The following MGST1 variants were observed in gnomAD, a reference collection of about 807,000 sequenced individuals.
MGST1 encodes glutathione S-transferase 12.
In MGST1, 5 loss-of-function variants were observed where a neutral mutation model predicts 8.9. The ratio of observed to expected loss-of-function variants is 0.56; its 90% confidence interval spans 0.29 to 1.19. MGST1 has a LOEUF of 1.19. MGST1 is among the 50% of genes most tolerant of loss of function. The probability of loss-of-function intolerance (pLI) is 0.08; values close to 1 mark genes in which losing one functional copy is unlikely to be tolerated. For synonymous variants in MGST1, 54 were observed against 67.8 expected, an observed-to-expected ratio of 0.80 and a Z score of 1.00; for missense variants, 182 against 187.4, an observed-to-expected ratio of 0.97 and a Z score of 0.17.
intron 4 of MGST1, among the ~76,000 whole-genome samples, chr12:16,526,850 A>G (rs1006630441): frequency 2.2e-4 from 34 of 152,040 alleles, no homozygotes; most frequent in South Asian, 2.1e-4. Flanking sequence ...ATCCTGGGTC[A>G]GAGTCAGGGC....
chr12:16,371,030 GA>G (rs1940283617), intron 3 of MGST1, among the ~76,000 whole-genome samples: 1 of 151,956 alleles, frequency 6.6e-6, no homozygotes. Flanking sequence ...TTACTTTTCC[GA>G]AAAATTCAAT....
rs9332902 is a variant in MGST1, at chr12:16,354,525, A to G, written c.126+147A>G. The G allele has an allele frequency of 2.0e-4, 127 of 640,336 alleles. 1 individual carries two copies. In the African/African-American group the frequency reaches 2.2e-3, roughly 11 times the overall value. 39.7% of individuals were successfully genotyped at this position (640,336 alleles called of 1,614,324 possible). A position where few individuals can be genotyped will look rare whatever the true frequency, so the allele number is the denominator to read the frequency against. On this transcript the variant is annotated intron_variant, in intron 2 of 3. Coordinates refer to ENST00000396210, the MANE Select transcript of MGST1 (RefSeq NM_020300.5). ...TGAAGTATGCCATCGTTTGGCACAG[A>G]TGGATCTGATGTATTTATGGAACAG...
chr12:16,494,420 C>T (rs1001320564), intron 4 of MGST1, among the ~76,000 whole-genome samples: 3 of 152,064 alleles, frequency 2.0e-5, no homozygotes, highest in Non-Finnish European at 4.4e-5. Flanking sequence ...GTCTTTTGTA[C>T]ACTTTGTGTA....
downstream of MGST1, among the ~76,000 whole-genome samples, chr12:16,379,132 C>T (rs1270899141): frequency 6.6e-6 from 1 of 152,080 alleles, no homozygotes; most frequent in African/African-American, 2.4e-5. Flanking sequence ...AATTGAATAC[C>T]CTTTATTTCC....
chr12:16,570,354 T>C (rs182970100), intron 4 of MGST1, among the ~76,000 whole-genome samples: 112 of 152,264 alleles, frequency 7.4e-4, no homozygotes, highest in Non-Finnish European at 1.2e-3. Flanking sequence ...ATACACTATA[T>C]ATAAAAGTGA....
rs1181563743 is a variant in MGST1, at chr12:16,410,393, C to G, written n.778+26789C>G. On this transcript the variant is annotated intron_variant and non_coding_transcript_variant, in intron 1 of 1. Transcript: ENST00000359720. The surrounding 1 kb of genome is among the most constrained non-coding windows in gnomAD (Gnocchi z 4.4). ...TTCTTCCATCTCTCCAGTTCAAGTT[C>G]CCACCAGTTCTCACCCGAATTGCTG... Among the ~76,000 whole-genome samples, 1 of 151,984 alleles carries G rather than the reference C, an allele frequency of 6.6e-6. No individual in the cohort carries two copies. Among genetic ancestry groups the G allele is most frequent in the Non-Finnish European group, 1.5e-5 (1 of 68,008 alleles).
intron 4 of MGST1, among the ~76,000 whole-genome samples, chr12:16,485,158 G>A (rs1321355322): frequency 3.3e-5 from 5 of 152,246 alleles, no homozygotes; most frequent in Middle Eastern, 6.8e-3. Context: ...TTCTGTGAAC[G>A]CACATTCTAT....
At chr12:16,426,522 A>G (rs1028988374) in intron 1 of MGST1, among the ~76,000 whole-genome samples, 3 of 152,108 alleles carry the variant, frequency 2.0e-5, no homozygotes, top group African/African-American at 4.8e-5. Context: ...CACTTCCTCA[A>G]TCATCCAATA....
intron 4 of MGST1, among the ~76,000 whole-genome samples, chr12:16,553,802 T>C (rs547949277): frequency 8.2e-4 from 125 of 152,164 alleles, no homozygotes; most frequent in African/African-American, 2.7e-3. Context: ...GTAACTGTGA[T>C]TTTGTAAGAA....
At chr12:16,573,843 C>CTAGA (rs1159335477) in intron 4 of MGST1, 2 of 152,218 alleles carry the variant, frequency 1.3e-5, no homozygotes, top group Non-Finnish European at 2.9e-5. Context: ...TCAAGCATGA[C>CTAGA]TAGATTGACG....
rs1165499903 is a variant in MGST1, at chr12:16,407,433, G to A, written n.778+23829G>A. On this transcript the variant is annotated intron_variant and non_coding_transcript_variant, in intron 1 of 1. Coordinates refer to the MGST1 transcript ENST00000359720. ...AATAACAGATGCCGGCAAGGTTGTG[G>A]AGAAAAAGGAACACTTAATATACTG... Among the ~76,000 whole-genome samples, 3 of 152,120 alleles carry A rather than the reference G, an allele frequency of 2.0e-5. No homozygotes were observed. The East Asian group carries it at 5.8e-4, about 29-fold the overall frequency.
At chr12:16,440,176 T>C (rs1279279432), downstream of MGST1, among the ~76,000 whole-genome samples, 1 of 151,736 alleles carries the variant, frequency 6.6e-6, no homozygotes, top group Middle Eastern at 3.2e-3. Context: ...GGTGAACACA[T>C]TGTAAGTGAT....
chr12:16,379,026 A>G (rs1940422490), downstream of MGST1, among the ~76,000 whole-genome samples: 1 of 152,116 alleles, frequency 6.6e-6, no homozygotes. Flanking sequence ...GAAGTTGCTT[A>G]TCAGCTTAAG....
At chr12:16,541,545 C>T (rs1941793633) in intron 4 of MGST1, among the ~76,000 whole-genome samples, 1 of 152,106 alleles carries the variant, frequency 6.6e-6, no homozygotes, top group Admixed American at 6.5e-5. Flanking sequence ...TAACCATACA[C>T]AAAATTAGAC....
chr12:16,449,948 C>T (rs1467040538), intron 4 of MGST1, among the ~76,000 whole-genome samples: 2 of 151,872 alleles, frequency 1.3e-5, no homozygotes, highest in African/African-American at 2.4e-5. Flanking sequence ...ACTTGGAAAA[C>T]TGCCATCCTA....
At chr12:16,574,473 A>G (rs965935039) in intron 4 of MGST1, among the ~76,000 whole-genome samples, 5 of 152,158 alleles carry the variant, frequency 3.3e-5, no homozygotes, top group African/African-American at 1.2e-4. Flanking sequence ...CCAACAGCCC[A>G]GACTAGCAGG....
rs143289509 is a variant in MGST1, at chr12:16,446,145, A to G, written n.482+62541A>G. Among the ~76,000 whole-genome samples, 272 of 152,044 alleles carry G rather than the reference A, an allele frequency of 1.8e-3. 1 individual carries two copies. Among genetic ancestry groups the G allele is most frequent in the Non-Finnish European group, 2.3e-3 (157 of 67,902 alleles). On this transcript the variant is annotated intron_variant and non_coding_transcript_variant, in intron 4 of 4. Transcript: ENST00000538857. ...TCTGGGTGACTCCACTCTAACTTTGACATTTTGGGTCTCCAAATATCACTA... is the reference window on the plus strand; with the variant it reads ...TCTGGGTGACTCCACTCTAACTTTGGCATTTTGGGTCTCCAAATATCACTA...
At chr12:16,577,553 G>C (rs1487944563) in intron 4 of MGST1, among the ~76,000 whole-genome samples, 1 of 152,094 alleles carries the variant, frequency 6.6e-6, no homozygotes, top group Non-Finnish European at 1.5e-5. Context: ...TCTACTAGAT[G>C]TTGTATATAA....
chr12:16,399,550 C>T, intron 1 of MGST1: 1 of 1,569,456 alleles, frequency 6.4e-7, no homozygotes, highest in Non-Finnish European at 8.8e-7. Flanking sequence ...TCATCACTGT[C>T]CTCCTCTTCC....
Sources: gnomAD v4.1 joint callset for allele counts (sites outside exome capture counted in the v4.1 genomes callset) on GRCh38, gnomAD v4.1.1 for gene constraint, Gnocchi (gnomAD v3.1) non-coding constraint, MANE v1.5 for transcripts, NCBI Gene and HGNC (gene_info 2026-07-23, HGNC 2026-07-21) for gene names.